Variants in FRMD4A observed in about 807,000 individuals in gnomAD.
FRMD4A encodes the protein FERM domain containing 4A.
In FRMD4A, 29 loss-of-function variants were observed where a neutral mutation model predicts 129.1. That is an observed-to-expected ratio of 0.22 (90% CI 0.17 to 0.31). FRMD4A has a LOEUF of 0.31. Ranked by LOEUF, FRMD4A falls within the 10% of genes least tolerant of loss-of-function variation. The pLI, the probability that FRMD4A is intolerant of heterozygous loss-of-function variation, is 1.00. For synonymous variants in FRMD4A, 634 were observed against 571.6 expected (o/e 1.11, Z -1.56); for missense variants, 1,272 against 1,375.8 (o/e 0.92, Z 1.19).
At chr10:14,200,865 T>C (rs1842616796) in intron 2 of FRMD4A, among the ~76,000 whole-genome samples, 1 of 152,168 alleles carries the variant, frequency 6.6e-6, no homozygotes, top group South Asian at 2.1e-4. Context: ...GGAGGGAGAC[T>C]GCAAGGCTGG....
At chr10:14,320,464 T>C (rs1846933701) in intron 2 of FRMD4A, among the ~76,000 whole-genome samples, 1 of 152,148 alleles carries the variant, frequency 6.6e-6, no homozygotes, top group Non-Finnish European at 1.5e-5. Flanking sequence ...AGCTACTCCT[T>C]CCCTCTCTTC....
chr10:13,999,292 G>A (rs993440793), intron 2 of FRMD4A, among the ~76,000 whole-genome samples: 35 of 152,144 alleles, frequency 2.3e-4, no homozygotes, highest in Admixed American at 1.0e-3. Flanking sequence ...TCACGAAAGC[G>A]CAGACTTAGC....
chr10:14,128,903 A>G (rs1194732183), intron 2 of FRMD4A, among the ~76,000 whole-genome samples: 1 of 152,090 alleles, frequency 6.6e-6, no homozygotes, highest in Non-Finnish European at 1.5e-5. Flanking sequence ...AACCTGAAAA[A>G]ATGCTGGGTG....
intron 2 of FRMD4A, among the ~76,000 whole-genome samples, chr10:14,286,040 G>A (rs965276024): frequency 6.6e-6 from 1 of 152,148 alleles, no homozygotes; most frequent in Non-Finnish European, 1.5e-5. Context: ...TGCAACATGT[G>A]GATCATTAGA....
At chr10:13,794,839 A>C (rs1015183780) in intron 5 of FRMD4A, among the ~76,000 whole-genome samples, 12 of 152,148 alleles carry the variant, frequency 7.9e-5, no homozygotes, top group African/African-American at 2.9e-4. Flanking sequence ...CAGTCATCCC[A>C]TTCCCCAATT....
chr10:13,656,442 A>G (rs2082153157), intron 22 of FRMD4A, among the ~76,000 whole-genome samples, 194 bp downstream of exon 22: 1 of 152,184 alleles, frequency 6.6e-6, no homozygotes, highest in Non-Finnish European at 1.5e-5. Context: ...TTAGGGTTAG[A>G]ACGGGGCGGG....
chr10:13,874,150 G>A (rs1217473530), intron 2 of FRMD4A, among the ~76,000 whole-genome samples: 1 of 149,132 alleles, frequency 6.7e-6, no homozygotes, highest in East Asian at 2.0e-4. Flanking sequence ...GGAGGCTGAG[G>A]CAGGAGAATC....
At chr10:14,158,764 T>TGAGGAAGAAGAGGAAGAGGAGCAG (rs1840729215) in intron 2 of FRMD4A, among the ~76,000 whole-genome samples, 1 of 128,732 alleles carries the variant, frequency 7.8e-6, no homozygotes, top group Admixed American at 8.0e-5. Flanking sequence ...TGGAAGAGGA[T>TGAGGAAGAAGAGGAAGAGGAGCAG]GAGGAAGAAG....
chr10:14,266,746 A>C (rs200983236), intron 2 of FRMD4A, among the ~76,000 whole-genome samples: 1 of 152,232 alleles, frequency 6.6e-6, no homozygotes, highest in Non-Finnish European at 1.5e-5. Context: ...AAGAGACTCC[A>C]AGAAATGTAA....
At position 13,876,661 on chromosome 10, in the gene FRMD4A, A is replaced by C. The variant is rs2094491752; in HGVS notation, c.46-17749T>G. 2.6e-5 allele frequency among the ~76,000 whole-genome samples: 4 copies of C among 152,190 alleles called. No homozygotes were observed. The South Asian group carries it at 8.3e-4, about 31-fold the overall frequency. ...CTTATGTTGTGATCAATGGAAGGAG[A>C]CACAGTATTATTTACAACTATGGGT... On this transcript the variant is annotated intron_variant, in intron 2 of 24. Transcript: ENST00000357447.
At chr10:13,799,846 A>C (rs2093213565) in intron 4 of FRMD4A, among the ~76,000 whole-genome samples, 1 of 152,100 alleles carries the variant, frequency 6.6e-6, no homozygotes, top group East Asian at 1.9e-4. Context: ...GTCATCTTCA[A>C]GGCATTTGGC....
chr10:14,190,895 C>T (rs899746491), intron 2 of FRMD4A, among the ~76,000 whole-genome samples: 12 of 152,260 alleles, frequency 7.9e-5, no homozygotes, highest in African/African-American at 2.4e-4. Context: ...GTTATCTATT[C>T]GTGATGCCTC....
chr10:13,804,923 A>G, intron 4 of FRMD4A, among the ~76,000 whole-genome samples: 1 of 152,054 alleles, frequency 6.6e-6, no homozygotes. Flanking sequence ...CAGGCAATTC[A>G]ATTAATTAGG....
At chr10:13,878,325 A>G (rs2131110701) in intron 2 of FRMD4A, among the ~76,000 whole-genome samples, 1 of 151,860 alleles carries the variant, frequency 6.6e-6, no homozygotes, top group East Asian at 1.9e-4. Context: ...TGAGCTGCTT[A>G]AAAGCTGGCT....
intron 2 of FRMD4A, among the ~76,000 whole-genome samples, chr10:13,970,509 A>G (rs2095511432): frequency 6.6e-6 from 1 of 152,204 alleles, no homozygotes; most frequent in Non-Finnish European, 1.5e-5. Context: ...ACACCTAAAA[A>G]TACAAAGGCC....
chr10:13,722,265 T>C (rs2089482124), intron 12 of FRMD4A, among the ~76,000 whole-genome samples: 2 of 150,014 alleles, frequency 1.3e-5, no homozygotes, highest in South Asian at 4.3e-4. Flanking sequence ...AGGGTCTTGT[T>C]CTGTTGCCCA....
chr10:13,753,697 C>T (rs2130664942), intron 8 of FRMD4A, among the ~76,000 whole-genome samples: 1 of 152,136 alleles, frequency 6.6e-6, no homozygotes, highest in South Asian at 2.1e-4. Context: ...GTGCTTATCA[C>T]TGCACCTGGT....
At chr10:13,885,599 G>C (rs1446451755) in intron 2 of FRMD4A, among the ~76,000 whole-genome samples, 1 of 152,114 alleles carries the variant, frequency 6.6e-6, no homozygotes, top group Non-Finnish European at 1.5e-5. Context: ...TGTTTGATTG[G>C]CTGGATAACC....
chr10:14,023,213 G>A (rs1300729210), intron 2 of FRMD4A, among the ~76,000 whole-genome samples: 7 of 152,060 alleles, frequency 4.6e-5, no homozygotes, highest in African/African-American at 1.7e-4. Flanking sequence ...CTTCCAACAC[G>A]AAGGTCAGAA....
Sources: allele counts gnomAD v4.1 joint callset (sites outside exome capture counted in the v4.1 genomes callset), GRCh38; gene constraint gnomAD v4.1.1; transcripts MANE v1.5; gene names NCBI Gene and HGNC (gene_info 2026-07-23, HGNC 2026-07-21).